The following IFNGR1 variants were observed in gnomAD, a reference collection of about 807,000 sequenced individuals.
IFNGR1 encodes interferon gamma receptor 1.
Under a neutral mutation model 35.4 loss-of-function variants are expected in IFNGR1, and 23 were observed. The observed-to-expected ratio is 0.65, with a 90% CI of 0.47 to 0.92. The LOEUF (loss-of-function observed/expected upper bound fraction) is 0.92. IFNGR1 is among the 40% of genes least tolerant of loss of function. IFNGR1 has a pLI of 0.00. For synonymous variants in IFNGR1, 199 were observed against 209.5 expected (o/e 0.95, Z 0.43); for missense variants, 533 against 583.4 (o/e 0.91, Z 0.89).
At chr6:137,200,853 G>A (rs749561802) in intron 6 of IFNGR1, 28 bp downstream of exon 6, 2 of 1,478,040 alleles carry the variant, frequency 1.4e-6, no homozygotes, top group Non-Finnish European at 1.9e-6. Flanking sequence ...TAACTTTTTA[G>A]TGTATATAAA....
At chr6:137,199,547 ATAACATATAAAAT>A in intron 6 of IFNGR1, among the ~76,000 whole-genome samples, 1 of 71,448 alleles carries the variant, frequency 1.4e-5, no homozygotes, top group Non-Finnish European at 2.8e-5. Flanking sequence ...TATATATTAT[ATAACATATAAAAT>A]ATATATAATA....
In IFNGR1 at chr6:137,198,656, T is replaced by C; in HGVS notation, c.862-17A>G. 6.3e-7 allele frequency: 1 copy of C among 1,596,660 alleles called. No homozygotes were observed. Among genetic ancestry groups the C allele is most frequent in the Non-Finnish European group, 8.5e-7 (1 of 1,172,186 alleles). ...CACAGAGATCTATGGGGAGAAAAATTGATTAAAGATAAAAAATTGTTAAGC... is the reference window on the plus strand; with the variant it reads ...CACAGAGATCTATGGGGAGAAAAATCGATTAAAGATAAAAAATTGTTAAGC... On this transcript the variant is annotated splice_polypyrimidine_tract_variant and intron_variant, in intron 6 of 6. Transcript: ENST00000367739.
intron 5 of IFNGR1, among the ~76,000 whole-genome samples, chr6:137,202,150 A>G (rs1304816967): frequency 6.6e-6 from 1 of 152,226 alleles, no homozygotes; most frequent in Admixed American, 6.5e-5. Flanking sequence ...AATCATTACA[A>G]AAGTAAAAAG....
chr6:137,201,697 A>G (rs1172628864), intron 5 of IFNGR1, among the ~76,000 whole-genome samples: 1 of 151,998 alleles, frequency 6.6e-6, no homozygotes, highest in Non-Finnish European at 1.5e-5. Context: ...AACAAAAAAA[A>G]AAAGAAAGAA....
intron 5 of IFNGR1, among the ~76,000 whole-genome samples, chr6:137,202,602 TACACACACACACACACAC>T (rs3839519): frequency 0.19 from 27,294 of 142,192 alleles, 3,094 homozygotes; most frequent in East Asian, 0.37. Flanking sequence ...AATATATGTA[TACACACACACACACACAC>T]ACACACACAC....
At chr6:137,205,669 A>G (rs1039436933) in intron 3 of IFNGR1, among the ~76,000 whole-genome samples, 1 of 152,202 alleles carries the variant, frequency 6.6e-6, no homozygotes, top group African/African-American at 2.4e-5. Flanking sequence ...GCTGGGCAGC[A>G]CAGACCCATA....
intron 2 of IFNGR1, 65 bp from the exon 3 acceptor site, chr6:137,206,373 G>A: frequency 7.8e-7 from 1 of 1,274,208 alleles, no homozygotes; most frequent in East Asian, 2.4e-5. Context: ...AACCATTTCT[G>A]TCTGTGCTTT....
Position 137,198,442 on chromosome 6 carries a change from T to C in IFNGR1, c.1059A>G (p.Thr353=), listed in dbSNP as rs1779152374. 2 of 1,614,184 alleles carry C rather than the reference T, an allele frequency of 1.2e-6. No individual in the cohort carries two copies. The change falls in exon 7 of 7, where the codon ACA becomes ACG. Residue 353 remains threonine (T), a synonymous_variant. Transcript: ENST00000367739. ...TATTTTCTTCAGTAGTCACCACTTC[T>C]GTTATACTAGAAAGTTCTTCTGTAT... is the stretch of plus-strand genomic sequence containing the variant. ...VEHTEELSSI[T]EVVTTEENIP...
chr6:137,201,564 G>A (rs777876301), intron 5 of IFNGR1, among the ~76,000 whole-genome samples: 10 of 151,960 alleles, frequency 6.6e-5, no homozygotes, highest in Non-Finnish European at 1.0e-4. Context: ...TCCCAGCTAC[G>A]TGGGAGGCTG....
intron 1 of IFNGR1, among the ~76,000 whole-genome samples, chr6:137,216,557 C>A (rs1779701022): frequency 6.6e-6 from 1 of 152,200 alleles, no homozygotes; most frequent in Non-Finnish European, 1.5e-5. Context: ...CTTCCCTGTT[C>A]TTACCAGGTC....
chr6:137,201,617 G>A (rs1173475376), intron 5 of IFNGR1, among the ~76,000 whole-genome samples: 3 of 151,950 alleles, frequency 2.0e-5, no homozygotes, highest in East Asian at 1.9e-4. Context: ...AGGTAGCAGT[G>A]AGCTGAGATT....
chr6:137,206,507 G>C, intron 2 of IFNGR1, 199 bp from the exon 3 acceptor site: 1 of 546,674 alleles, frequency 1.8e-6, no homozygotes, highest in Non-Finnish European at 3.2e-6. Context: ...ACAGTAAAGA[G>C]GCTCAATTCA....
intron 6 of IFNGR1, among the ~76,000 whole-genome samples, chr6:137,199,289 T>C (rs1242825433): frequency 7.4e-6 from 1 of 135,224 alleles, no homozygotes; most frequent in Non-Finnish European, 1.5e-5. Context: ...TATATATATA[T>C]GAAAAATATA....
intron 1 of IFNGR1, among the ~76,000 whole-genome samples, chr6:137,208,119 T>C (rs1482871689): frequency 6.6e-6 from 1 of 152,182 alleles, no homozygotes; most frequent in Non-Finnish European, 1.5e-5. Context: ...CCCCAGAGAT[T>C]TGTGGAACTC....
intron 1 of IFNGR1, among the ~76,000 whole-genome samples, 158 bp from the exon 2 acceptor site, chr6:137,207,235 T>C (rs1460602080): frequency 6.6e-6 from 1 of 152,220 alleles, no homozygotes; most frequent in Non-Finnish European, 1.5e-5. Context: ...AGTAGACATC[T>C]AGAAATTAAT....
intron 6 of IFNGR1, among the ~76,000 whole-genome samples, chr6:137,199,440 AATATATAAAATATATAAC>A (rs1779191648): frequency 9.3e-6 from 1 of 107,136 alleles, no homozygotes; most frequent in Non-Finnish European, 1.8e-5. Flanking sequence ...TTTATAATAT[AATATATAAAATATATAAC>A]TTATATTATA....
chr6:137,212,972 T>A (rs1315547994), intron 1 of IFNGR1, among the ~76,000 whole-genome samples: 1 of 152,256 alleles, frequency 6.6e-6, no homozygotes, highest in Non-Finnish European at 1.5e-5. Flanking sequence ...TGGTTTTTAA[T>A]GCTACCAGAG....
At chr6:137,208,052 G>A (rs975915043) in intron 1 of IFNGR1, among the ~76,000 whole-genome samples, 1 of 152,230 alleles carries the variant, frequency 6.6e-6, no homozygotes, top group Non-Finnish European at 1.5e-5. Context: ...CTGGGAACTG[G>A]AGCAAAGGTG....
At position 137,206,153 on chromosome 6, in the gene IFNGR1, A is replaced by G. The variant is rs1240268455; in HGVS notation, c.356T>C (p.Phe119Ser). 21 of 1,614,100 alleles carry G rather than the reference A, an allele frequency of 1.3e-5. No homozygotes were observed. Among genetic ancestry groups the G allele is most frequent in the Non-Finnish European group, 1.7e-5 (20 of 1,179,936 alleles). ...CTACTCACCATCTCGGCATACAGCAAATTCTTCTGACTTTGCATAGGCAGA... is the reference window on the plus strand; with the variant it reads ...CTACTCACCATCTCGGCATACAGCAGATTCTTCTGACTTTGCATAGGCAGA... ...KESAYAKSEE[F>S]AVCRDGKIGP... The change falls in exon 3 of 7, where the codon TTT becomes TCT. Residue 119 changes from phenylalanine (F) to serine (S), a missense_variant. Physicochemically the swap from Phe to Ser is radical, Grantham distance 155 (BLOSUM62 -2). Transcript: ENST00000367739.
Sources: allele counts gnomAD v4.1 joint callset (sites outside exome capture counted in the v4.1 genomes callset), GRCh38; gene constraint gnomAD v4.1.1; transcripts MANE v1.5; gene names NCBI Gene and HGNC (gene_info 2026-07-23, HGNC 2026-07-21).